DLG2: variants seen among roughly 807,000 people sequenced by gnomAD.
The protein encoded by DLG2 is discs large MAGUK scaffold protein 2.
Under a neutral mutation model 132.5 loss-of-function variants are expected in DLG2, and 45 were observed. The observed-to-expected ratio is 0.34, with a 90% confidence interval of 0.27 to 0.44. The LOEUF is 0.44. Ranked by LOEUF, DLG2 falls within the 20% of genes least tolerant of loss-of-function variation. The pLI is 1.00. For missense variants in DLG2, 1,045 were observed against 1,196.9 expected (o/e 0.87, Z 1.87); for synonymous variants, 424 against 419.6 (o/e 1.01, Z -0.13).
At chr11:84,790,145 T>A (rs183681069) in intron 6 of DLG2, among the ~76,000 whole-genome samples, 18 of 152,306 alleles carry the variant, frequency 1.2e-4, no homozygotes, top group African/African-American at 4.1e-4. Flanking sequence ...ATATTTAGTT[T>A]TTTTTAGGAA....
At chr11:84,230,628 G>A (rs1194341486) in intron 8 of DLG2, among the ~76,000 whole-genome samples, 1 of 152,108 alleles carries the variant, frequency 6.6e-6, no homozygotes, top group Non-Finnish European at 1.5e-5. Context: ...AGATATGTGA[G>A]CACAAAACTG....
intron 3 of DLG2, among the ~76,000 whole-genome samples, chr11:85,346,078 TAGGACGTTCCTGAAAGTCAGAGG>T (rs1191415129): frequency 4.0e-5 from 6 of 151,814 alleles, no homozygotes; most frequent in Non-Finnish European, 1.5e-5. Flanking sequence ...ATAGACAGAG[TAGGACGTTCCTGAAAGTCAGAGG>T]AGGAACGCGT....
chr11:84,500,602 C>T (rs2099201312), intron 7 of DLG2, among the ~76,000 whole-genome samples: 1 of 152,148 alleles, frequency 6.6e-6, no homozygotes, highest in Non-Finnish European at 1.5e-5. Context: ...CACCTAAATT[C>T]ACTTTGCCTA....
At chr11:84,498,767 C>T (rs1228994276) in intron 7 of DLG2, among the ~76,000 whole-genome samples, 1 of 152,174 alleles carries the variant, frequency 6.6e-6, no homozygotes, top group African/African-American at 2.4e-5. Flanking sequence ...TATTATCTTT[C>T]TTAATCCCCA....
intron 14 of DLG2, among the ~76,000 whole-genome samples, chr11:83,955,250 AT>A (rs1469528783): frequency 6.6e-6 from 1 of 152,184 alleles, no homozygotes; most frequent in Non-Finnish European, 1.5e-5. Context: ...TACATAACTG[AT>A]TCAAGGTCAC....
At chr11:85,500,908 GA>G (rs1458111018) in intron 3 of DLG2, among the ~76,000 whole-genome samples, 1 of 152,080 alleles carries the variant, frequency 6.6e-6, no homozygotes, top group South Asian at 2.1e-4. Context: ...CACAGAATTG[GA>G]AAAAAATACT....
At chr11:84,848,231 C>G (rs149083093) in intron 6 of DLG2, among the ~76,000 whole-genome samples, 1 of 152,052 alleles carries the variant, frequency 6.6e-6, no homozygotes, top group Non-Finnish European at 1.5e-5. Flanking sequence ...TGGTGGCTCA[C>G]GCTTGTAATC....
chr11:85,438,887 A>G (rs1240780934), intron 3 of DLG2, among the ~76,000 whole-genome samples: 1 of 152,114 alleles, frequency 6.6e-6, no homozygotes, highest in Non-Finnish European at 1.5e-5. Context: ...TCTGTCCTCT[A>G]TTTCTAAAAT....
At chr11:84,962,878 A>G (rs901195033) in intron 6 of DLG2, among the ~76,000 whole-genome samples, 2 of 152,224 alleles carry the variant, frequency 1.3e-5, no homozygotes, top group South Asian at 2.1e-4. Flanking sequence ...ATTTCCCCCA[A>G]AATGCAAAAA....
chr11:85,106,701 A>C (rs1320151317), intron 6 of DLG2, among the ~76,000 whole-genome samples: 2 of 151,996 alleles, frequency 1.3e-5, no homozygotes, highest in Admixed American at 6.6e-5. Flanking sequence ...TGTTGTGTAC[A>C]TAAACTCAGA....
intron 6 of DLG2, among the ~76,000 whole-genome samples, chr11:85,053,602 C>T (rs1212843397): frequency 3.6e-5 from 5 of 137,110 alleles, no homozygotes; most frequent in African/African-American, 1.1e-4. Flanking sequence ...TCCTGCCTAA[C>T]ACGGTGAAAC....
At chr11:83,789,313 C>G (rs1000829259) in intron 17 of DLG2, among the ~76,000 whole-genome samples, 11 of 126,800 alleles carry the variant, frequency 8.7e-5, no homozygotes, top group African/African-American at 3.3e-4. Context: ...TTTAAAAAGA[C>G]ATAGCAATTT....
chr11:85,051,914 G>A (rs1261171858), intron 6 of DLG2, among the ~76,000 whole-genome samples: 1 of 152,164 alleles, frequency 6.6e-6, no homozygotes, highest in East Asian at 1.9e-4. Context: ...TGCTTTTTGA[G>A]TGTCGTTTGA....
intron 3 of DLG2, among the ~76,000 whole-genome samples, chr11:85,526,942 T>C (rs1263744104): frequency 6.6e-6 from 1 of 152,184 alleles, no homozygotes; most frequent in Non-Finnish European, 1.5e-5. Context: ...TGTAAATCAC[T>C]TTTTCAATGA....
chr11:85,334,294 T>A (rs2081977944), intron 3 of DLG2, among the ~76,000 whole-genome samples: 1 of 152,138 alleles, frequency 6.6e-6, no homozygotes, highest in Admixed American at 6.5e-5. Flanking sequence ...TTGTCATTTC[T>A]GGTTGTGTTT....
chr11:83,833,610 T>C lies in DLG2; in HGVS notation c.1722+4A>G. 6.2e-7 allele frequency: 1 copy of C among 1,610,488 alleles called. No homozygotes were observed. The highest frequency in any genetic ancestry group is 8.5e-7 in the Non-Finnish European group (1 of 1,178,572). On this transcript the variant is annotated splice_donor_region_variant and intron_variant, in intron 17 of 27. Coordinates refer to ENST00000376104, the MANE Select transcript of DLG2 (RefSeq NM_001142699.3). ...GGGAATAAAGATTAAAGAAACATAC[T>C]CACCGATAGGATCTGGTCTCCTCTC...
At chr11:83,967,597 C>A (rs34197413) in intron 12 of DLG2, among the ~76,000 whole-genome samples, 6,470 of 152,200 alleles carry the variant, frequency 0.043, 199 homozygotes, top group Non-Finnish European at 0.067. Context: ...TTTTTCTACT[C>A]TTGAGTTGTA....
At chr11:84,610,403 A>AT (rs1180065445) in intron 6 of DLG2, among the ~76,000 whole-genome samples, 1 of 152,000 alleles carries the variant, frequency 6.6e-6, no homozygotes, top group Non-Finnish European at 1.5e-5. Flanking sequence ...ATAAAGAAAA[A>AT]TTTTTTAAAA....
intron 6 of DLG2, among the ~76,000 whole-genome samples, chr11:84,729,955 T>A (rs1229784877): frequency 6.6e-6 from 1 of 152,032 alleles, no homozygotes; most frequent in East Asian, 1.9e-4. Context: ...TAGCACCAAG[T>A]GTTTTTTGAA....
Sources: allele counts gnomAD v4.1 joint callset (sites outside exome capture counted in the v4.1 genomes callset), GRCh38; gene constraint gnomAD v4.1.1; transcripts MANE v1.5; gene names NCBI Gene and HGNC (gene_info 2026-07-23, HGNC 2026-07-21).